Variants in EP300 observed in about 807,000 individuals in gnomAD.
The protein encoded by EP300 is EP300 lysine acetyltransferase.
In EP300, 31 loss-of-function variants were observed where a neutral mutation model predicts 264.0. The ratio of observed to expected loss-of-function variants is 0.12; its 90% CI spans 0.09 to 0.16. The LOEUF is 0.16. Ranked by LOEUF, EP300 falls within the 10% of genes least tolerant of loss-of-function variation. The pLI, the probability that EP300 is intolerant of heterozygous loss-of-function variation, is 1.00. For missense variants in EP300, 2,766 were observed against 3,052.9 expected (o/e 0.91, Z 2.21); for synonymous variants, 1,340 against 1,045.4 (o/e 1.28, Z -5.44).
chr22:41,131,305 T>C, intron 5 of EP300, 83 bp from the exon 6 acceptor site: 1 of 1,421,852 alleles, frequency 7.0e-7, no homozygotes, highest in African/African-American at 1.4e-5. Flanking sequence ...AACAATAATT[T>C]TGTGGGGTTT....
At chr22:41,171,956 T>C (rs543675713) in intron 27 of EP300, among the ~76,000 whole-genome samples, 6 of 152,278 alleles carry the variant, frequency 3.9e-5, no homozygotes, top group East Asian at 3.9e-4. Flanking sequence ...TTCATAAATA[T>C]AGGTTGTCTC....
At chr22:41,142,104 G>A (rs1269974037) in intron 10 of EP300, among the ~76,000 whole-genome samples, 1 of 152,168 alleles carries the variant, frequency 6.6e-6, no homozygotes, top group African/African-American at 2.4e-5. Context: ...TGACTTATTG[G>A]TACGATCAAA....
chr22:41,161,165 TC>T (rs2059105971), intron 20 of EP300, among the ~76,000 whole-genome samples: 1 of 152,146 alleles, frequency 6.6e-6, no homozygotes, highest in African/African-American at 2.4e-5. Context: ...CTTACACCCT[TC>T]TCTTGTAGGT....
intron 8 of EP300, among the ~76,000 whole-genome samples, chr22:41,139,565 C>T: frequency 6.6e-6 from 1 of 152,036 alleles, no homozygotes; most frequent in East Asian, 1.9e-4. Context: ...AAATTAGTGC[C>T]TAAAGATCAC....
At position 41,147,856 on chromosome 22, in the gene EP300, G is replaced by T. The variant is rs763114512; in HGVS notation, c.2151G>T (p.Gln717His). 5 of 1,614,040 alleles carry T rather than the reference G, an allele frequency of 3.1e-6. No individual in the cohort carries two copies. The highest frequency in any genetic ancestry group is 1.1e-5 in the South Asian group (1 of 91,080). The stretch of plus-strand genomic sequence containing the variant: ...TCACAGGTTTGAATCAATTTGGCCA[G>T]ATGAGCATGGCCCAGCCCCCTATTG... ...TPQSGLNQFG[Q>H]MSMAQPPIVP... The change falls in exon 12 of 31, where the codon CAG becomes CAT. Residue 717 changes from glutamine (Q) to histidine (H), a missense_variant. Coordinates refer to ENST00000263253, the MANE Select transcript of EP300 (RefSeq NM_001429.4).
intron 6 of EP300, among the ~76,000 whole-genome samples, chr22:41,133,517 T>C (rs1459430184): frequency 6.6e-6 from 1 of 152,152 alleles, no homozygotes; most frequent in African/African-American, 2.4e-5. Flanking sequence ...CAGAGTACTT[T>C]AGATTTTTTT....
At chr22:41,121,057 G>A (rs1467528430) in intron 2 of EP300, among the ~76,000 whole-genome samples, 1 of 152,086 alleles carries the variant, frequency 6.6e-6, no homozygotes, top group Non-Finnish European at 1.5e-5. Context: ...TATTCCTACC[G>A]CTTTGGGAGG....
chr22:41,148,715 C>T (rs1351671298), intron 12 of EP300: 13 of 396,062 alleles, frequency 3.3e-5, no homozygotes, highest in Non-Finnish European at 6.1e-5. Context: ...TAACTCTCCT[C>T]ACTTAACAGA....
In EP300 at chr22:41,092,686, C is replaced by G; in HGVS notation, c.-319C>G. 2 of 618,028 alleles carry G rather than the reference C, an allele frequency of 3.2e-6. No individual in the cohort carries two copies. The highest frequency in any genetic ancestry group is 5.8e-6 in the Non-Finnish European group (2 of 342,298). The allele number at this position is 618,028 out of a possible 1,614,324, so 38.3% of individuals were successfully genotyped here. ...TGGGCAGGGGCCGGCCGTGGCGGGCCGGGGACTGCGCCTCTAGAGCCGCGA... is the reference window on the plus strand; with the variant it reads ...TGGGCAGGGGCCGGCCGTGGCGGGCGGGGGACTGCGCCTCTAGAGCCGCGA... On this transcript the variant is annotated 5_prime_UTR_variant, in exon 1 of 31. Coordinates refer to ENST00000263253, the MANE Select transcript of EP300 (RefSeq NM_001429.4).
chr22:41,177,985 T>C lies in EP300; in HGVS notation c.6274T>C (p.Tyr2092His), dbSNP rs2059212476. The C allele has an allele frequency of 6.2e-7, 1 of 1,613,962 alleles. No homozygotes were observed. Among genetic ancestry groups the C allele is most frequent in the South Asian group, 1.1e-5 (1 of 91,086 alleles). Reference sequence around the variant, plus strand: ...ATTCATCAAGCAGCGGGCTGCCAAGTATGCCAACTCTAATCCACAACCCAT... The same window carrying C: ...ATTCATCAAGCAGCGGGCTGCCAAGCATGCCAACTCTAATCCACAACCCAT... The part of the protein sequence containing the change: ...AAFIKQRAAK[Y>H]ANSNPQPIPG... Residue 2092 changes from tyrosine (Y) to histidine (H), a missense_variant, in exon 31 of 31, where the codon TAT (tyrosine) becomes CAT (histidine). Physicochemically the swap from Tyr to His is moderately conservative, Grantham distance 83. Coordinates refer to ENST00000263253, the MANE Select transcript of EP300 (RefSeq NM_001429.4).
In EP300 at chr22:41,147,954, T is replaced by G. The variant is rs959638973; in HGVS notation, c.2241+8T>G. ...CCTGGAGCTCTCAACCCGGTTAGTT[T>G]GACGTCTTTGGTAATCTCTTTGGCC... On this transcript the variant is annotated splice_region_variant and intron_variant, in intron 12 of 30. Coordinates refer to ENST00000263253, the MANE Select transcript of EP300 (RefSeq NM_001429.4). 1 of 1,585,068 alleles carries G rather than the reference T, an allele frequency of 6.3e-7. No individual in the cohort carries two copies. The highest frequency in any genetic ancestry group is 8.6e-7 in the Non-Finnish European group (1 of 1,161,844).
chr22:41,162,627 C>G lies in EP300; in HGVS notation c.3672-96C>G, dbSNP rs1042513122. 6.4e-6 allele frequency: 6 copies of G among 935,458 alleles called. No homozygotes were observed. The African/African-American group carries it at 6.5e-5, about 10-fold the overall frequency. The allele number at this position is 935,458 out of a possible 1,614,324, so 57.9% of individuals were successfully genotyped here. A position where few individuals can be genotyped will look rare whatever the true frequency, so the allele number is the denominator to read the frequency against. On this transcript the variant is annotated intron_variant, in intron 20 of 30. Transcript: ENST00000263253. ...ATGTGTATTCTTAAAAAACCTGAATCTCTATATAGGGTGAAGTTTGTTCCT... is the reference window on the plus strand; with the variant it reads ...ATGTGTATTCTTAAAAAACCTGAATGTCTATATAGGGTGAAGTTTGTTCCT...
intron 4 of EP300, among the ~76,000 whole-genome samples, chr22:41,128,878 A>G (rs919858609): frequency 1.3e-5 from 2 of 152,162 alleles, no homozygotes; most frequent in African/African-American, 4.8e-5. Context: ...TAAATGCATC[A>G]TCACAGTTAA....
intron 8 of EP300, among the ~76,000 whole-genome samples, chr22:41,139,363 G>A (rs1283525074): frequency 3.3e-5 from 5 of 152,216 alleles, no homozygotes; most frequent in Non-Finnish European, 5.9e-5. Context: ...CTTATTTTGT[G>A]ACAGACTATT....
chr22:41,147,093 TC>T (rs1366371610), intron 11 of EP300, among the ~76,000 whole-genome samples: 3 of 150,720 alleles, frequency 2.0e-5, no homozygotes, highest in African/African-American at 7.3e-5. Context: ...CCACCTGAGG[TC>T]AAAGTACGAG....
intron 10 of EP300, 54 bp downstream of exon 10, chr22:41,141,276 TC>T (rs1486736634): frequency 6.2e-5 from 97 of 1,568,750 alleles, no homozygotes; most frequent in Non-Finnish European, 8.3e-5. Flanking sequence ...TAAAATAGTT[TC>T]TATCTAAAGT....
intron 14 of EP300, among the ~76,000 whole-genome samples, chr22:41,150,996 T>C (rs2145738839): frequency 6.6e-6 from 1 of 152,188 alleles, no homozygotes; most frequent in Non-Finnish European, 1.5e-5. Context: ...AGCTTCCTTG[T>C]GAGAGGTTGG....
chr22:41,164,748 T>C (rs1178848473), intron 22 of EP300, among the ~76,000 whole-genome samples: 1 of 152,106 alleles, frequency 6.6e-6, no homozygotes, highest in African/African-American at 2.4e-5. Context: ...TTCCGGCATC[T>C]AGAAACTAGG....
intron 1 of EP300, among the ~76,000 whole-genome samples, chr22:41,104,754 C>T (rs913122488): frequency 1.3e-5 from 2 of 152,046 alleles, no homozygotes; most frequent in African/African-American, 4.8e-5. Context: ...GCGCAGTGGC[C>T]TACACCTGTA....
Sources: allele counts gnomAD v4.1 joint callset (sites outside exome capture counted in the v4.1 genomes callset), GRCh38; gene constraint gnomAD v4.1.1; transcripts MANE v1.5; gene names NCBI Gene and HGNC (gene_info 2026-07-23, HGNC 2026-07-21).